Variants in KIT observed in about 807,000 individuals in gnomAD.
KIT encodes KIT proto-oncogene, receptor tyrosine kinase, also known as mast/stem cell growth factor receptor Kit.
Under a neutral mutation model 105.7 loss-of-function variants are expected in KIT, and 16 were observed. That is an observed-to-expected ratio of 0.15 (90% CI 0.10 to 0.23). KIT has a LOEUF of 0.23. KIT is among the 10% of genes least tolerant of loss of function. KIT has a pLI of 1.00. For synonymous variants in KIT, 438 were observed against 441.1 expected (o/e 0.99, Z 0.09); for missense variants, 858 against 1,213.8 (o/e 0.71, Z 4.36).
chr4:54,676,233 C>T (rs909036644), intron 1 of KIT, among the ~76,000 whole-genome samples: 1 of 152,012 alleles, frequency 6.6e-6, no homozygotes, highest in Non-Finnish European at 1.5e-5. Context: ...TGCAAACTCT[C>T]CGCCCCCACC....
At chr4:54,717,994 T>G (rs910752038) in intron 7 of KIT, among the ~76,000 whole-genome samples, 1 of 152,234 alleles carries the variant, frequency 6.6e-6, no homozygotes, top group African/African-American at 2.4e-5. Context: ...TCATCATTTT[T>G]CAACGTAATC....
chr4:54,665,709 T>C (rs2237032), intron 1 of KIT, among the ~76,000 whole-genome samples: 35,730 of 151,952 alleles, frequency 0.24, 4,750 homozygotes, highest in African/African-American at 0.36. Context: ...GGAGAGAATA[T>C]GATGTTGGAC....
intron 1 of KIT, among the ~76,000 whole-genome samples, chr4:54,672,314 T>TTTC (rs34098981): frequency 0.31 from 46,368 of 151,670 alleles, 7,688 homozygotes; most frequent in Admixed American, 0.4. Context: ...GATTTTTTTT[T>TTTC]TAATGAGGGT....
chr4:54,659,148 G>A (rs1448253129), intron 1 of KIT, among the ~76,000 whole-genome samples: 2 of 152,218 alleles, frequency 1.3e-5, no homozygotes, highest in East Asian at 3.9e-4. Context: ...TATACTTCAG[G>A]GCTGCCTGGG....
intron 14 of KIT, among the ~76,000 whole-genome samples, chr4:54,730,300 A>G (rs982591044): frequency 3.3e-5 from 5 of 152,022 alleles, no homozygotes; most frequent in Admixed American, 1.3e-4. Flanking sequence ...GATTTCTCCT[A>G]TCCTTTTCAT....
At chr4:54,690,432 C>T (rs1053187924) in intron 1 of KIT, among the ~76,000 whole-genome samples, 1 of 152,198 alleles carries the variant, frequency 6.6e-6, no homozygotes, top group African/African-American at 2.4e-5. Context: ...TCAGCACTTA[C>T]CAAGTAGCTG....
At chr4:54,717,908 G>T (rs977776228) in intron 7 of KIT, among the ~76,000 whole-genome samples, 1 of 151,984 alleles carries the variant, frequency 6.6e-6, no homozygotes, top group African/African-American at 2.4e-5. Context: ...TCCTCCCCAC[G>T]GCTGGGTGAT....
intron 14 of KIT, 39 bp downstream of exon 14, chr4:54,729,524 C>CAGTT (rs1722457286): frequency 1.2e-6 from 2 of 1,602,510 alleles, no homozygotes; most frequent in Non-Finnish European, 1.7e-6. Flanking sequence ...TGTTGACAGG[C>CAGTT]AGTTCATGGG....
At chr4:54,671,313 C>T (rs770845482) in intron 1 of KIT, among the ~76,000 whole-genome samples, 134 of 152,250 alleles carry the variant, frequency 8.8e-4, no homozygotes, top group Non-Finnish European at 1.5e-3. Context: ...TGTTCTGGTT[C>T]TCGAGAAGGA....
intron 9 of KIT, 83 bp downstream of exon 9, chr4:54,726,133 T>A (rs1313225868): frequency 8.9e-7 from 1 of 1,127,268 alleles, no homozygotes; most frequent in African/African-American, 1.5e-5. Flanking sequence ...CATTCCAACA[T>A]TGACCATGTC....
chr4:54,723,439 C>T, intron 7 of KIT, 145 bp from the exon 8 acceptor site: 1 of 693,248 alleles, frequency 1.4e-6, no homozygotes, highest in Non-Finnish European at 2.6e-6. Context: ...CCTTCCACTC[C>T]TTGGTTCAGA....
At chr4:54,678,288 C>G (rs1450888573) in intron 1 of KIT, among the ~76,000 whole-genome samples, 7 of 149,200 alleles carry the variant, frequency 4.7e-5, no homozygotes, top group East Asian at 2.0e-4. Context: ...ATGGCTGGCT[C>G]GCTCCTTCCT....
At chr4:54,709,964 T>C (rs1209001444) in intron 7 of KIT, among the ~76,000 whole-genome samples, 2 of 152,210 alleles carry the variant, frequency 1.3e-5, no homozygotes, top group African/African-American at 4.8e-5. Flanking sequence ...GAGGCTGTGA[T>C]GTTACTTGTG....
At chr4:54,701,942 A>C (rs1415288801) in intron 4 of KIT, among the ~76,000 whole-genome samples, 1 of 152,202 alleles carries the variant, frequency 6.6e-6, no homozygotes, top group African/African-American at 2.4e-5. Context: ...TAGGAAATCT[A>C]CATAGTGTTA....
chr4:54,716,004 C>CT (rs1721468301), intron 7 of KIT, among the ~76,000 whole-genome samples: 1 of 152,214 alleles, frequency 6.6e-6, no homozygotes, highest in South Asian at 2.1e-4. Context: ...CTTCCCACCA[C>CT]TTAACCTATT....
rs771735131 is a variant in KIT at position 54,726,046 on chromosome 4, C to G, written c.1536C>G (p.Asn512Lys). The G allele has an allele frequency of 1.2e-6, 2 of 1,612,516 alleles. No individual in the cohort carries two copies. The highest frequency in any genetic ancestry group is 1.7e-6 in the Non-Finnish European group (2 of 1,178,532). Reference sequence around the variant, plus strand: ...TTAACTTTGCATTTAAAGGTAACAACAAAGGTATATTTCTTTTTAATCCAA... The same window carrying G: ...TTAACTTTGCATTTAAAGGTAACAAGAAAGGTATATTTCTTTTTAATCCAA... Reference protein sequence around the residue: ...AYFNFAFKGNNKEQIHPHTLF... With the variant: ...AYFNFAFKGNKKEQIHPHTLF... The change falls in exon 9 of 21, where the codon AAC (asparagine) becomes AAG (lysine). Residue 512 changes from asparagine (N) to lysine (K), a missense_variant. By Grantham distance (94) the Asn-to-Lys change is moderately conservative. Around this residue, in one of 7 missense-constraint regions of KIT, gnomAD observed 401 missense variants for 601.0 expected, o/e 0.67. Coordinates refer to ENST00000288135, the MANE Select transcript of KIT (RefSeq NM_000222.3).
rs527819907 is a variant in KIT, at chr4:54,679,836, G to A, written c.68-15676G>A. Among the ~76,000 whole-genome samples, 4 of 152,266 alleles carry A rather than the reference G, an allele frequency of 2.6e-5. No homozygotes were observed. The South Asian group carries it at 6.2e-4, about 24-fold the overall frequency. Reference sequence around the variant, plus strand: ...AGTGGACTATTATTCAGCCTTAAAAGGGAAGTCAACTTTTACAAATGATAC... The same window carrying A: ...AGTGGACTATTATTCAGCCTTAAAAAGGAAGTCAACTTTTACAAATGATAC... On this transcript the variant is annotated intron_variant, in intron 1 of 20. Coordinates refer to ENST00000288135, the MANE Select transcript of KIT (RefSeq NM_000222.3).
chr4:54,719,811 A>G (rs1721748328), intron 7 of KIT, among the ~76,000 whole-genome samples: 1 of 152,138 alleles, frequency 6.6e-6, no homozygotes, highest in African/African-American at 2.4e-5. Context: ...ATGAGCCCAG[A>G]TTTTCATTTT....
rs367823994 is a variant in KIT at position 54,736,850 on chromosome 4, C to A, written c.2696+30C>A. On this transcript the variant is annotated intron_variant, in intron 19 of 20. Coordinates refer to ENST00000288135, the MANE Select transcript of KIT (RefSeq NM_000222.3). ...GAGCCAAAAAATTTTTCCTTTAGGT[C>A]ACGTTTTCCCTTTTATTTTTCTTTT... 36 of 1,524,722 alleles carry A rather than the reference C, an allele frequency of 2.4e-5. No homozygotes were observed. The African/African-American group carries it at 4.8e-4, about 20-fold the overall frequency. The allele number at this position is 1,524,722 out of a possible 1,614,324, so 94.4% of individuals were successfully genotyped here.
Sources: allele counts gnomAD v4.1 joint callset (sites outside exome capture counted in the v4.1 genomes callset), GRCh38; gene constraint gnomAD v4.1.1; regional missense constraint gnomAD v4.1.1; transcripts MANE v1.5; gene names NCBI Gene and HGNC (gene_info 2026-07-23, HGNC 2026-07-21).